Variants in IKBKG observed in about 807,000 individuals in gnomAD.
IKBKG encodes the protein NF-kappa-B essential modulator.
A neutral mutation model predicts 13.7 loss-of-function variants in IKBKG; 2 were observed. That is an observed-to-expected ratio of 0.15 (90% CI 0.06 to 0.46). The LOEUF (loss-of-function observed/expected upper bound fraction) is 0.46, where lower values mean the gene tolerates loss of function less well. Ranked by LOEUF, IKBKG falls within the 20% of genes least tolerant of loss-of-function variation. The pLI is 0.98. For missense variants in IKBKG, 53 were observed against 150.3 expected, an observed-to-expected ratio of 0.35 and a Z score of 3.39; for synonymous variants, 22 against 64.4, an observed-to-expected ratio of 0.34 and a Z score of 3.15.
At position 154,552,099 on chromosome X, in the gene IKBKG, C is replaced by T; in HGVS notation, c.97C>T (p.Leu33=). 6.7e-6 allele frequency: 8 copies of T among 1,196,765 alleles called. No homozygotes were observed. The highest frequency in any genetic ancestry group is 7.9e-6 in the Non-Finnish European group (7 of 884,707). Reference sequence around the variant, plus strand: ...GGACGTACTGGGCGAAGAGTCTCCTCTGGGGAAGCCAGCCATGCTGCACCT... The same window carrying T: ...GGACGTACTGGGCGAAGAGTCTCCTTTGGGGAAGCCAGCCATGCTGCACCT... The part of the protein sequence containing the change: ...DQDVLGEESP[L]GKPAMLHLPS... Residue 33 remains leucine (L), a synonymous_variant, in exon 2 of 10, where the codon CTG becomes TTG. Transcript: ENST00000594239.
At chrX:154,549,010 T>G (rs2070846556) in intron 1 of IKBKG, among the ~76,000 whole-genome samples, 1 of 102,688 alleles carries the variant, frequency 9.7e-6, no homozygotes, top group Non-Finnish European at 2.0e-5. Context: ...TTTTTTTTTT[T>G]GAGACAGAAT....
At chrX:154,542,351 CCT>C (rs2070535269) in exon 2 of IKBKG, 1 of 1,202,860 alleles carries the variant, frequency 8.3e-7, no homozygotes, top group African/African-American at 1.8e-5. Flanking sequence ...CCCCTCACTC[CCT>C]GTGAAGCTCT....
chrX:154,547,660 G>A lies in IKBKG; in HGVS notation c.-101G>A, dbSNP rs1362226339. On this transcript the variant is annotated 5_prime_UTR_variant, in exon 1 of 10. Transcript: ENST00000594239. ...GGTAGGGAAGGGCGACCGCGAAACTGGGACTTTCTCGGAGCGCCGGGGCCC... is the reference window on the plus strand; with the variant it reads ...GGTAGGGAAGGGCGACCGCGAAACTAGGACTTTCTCGGAGCGCCGGGGCCC... 4 of 753,898 alleles carry A rather than the reference G, an allele frequency of 5.3e-6. No individual in the cohort carries two copies. The African/African-American group carries it at 9.2e-5, about 17-fold the overall frequency. 62.1% of individuals were successfully genotyped at this position (753,898 alleles called of 1,213,427 possible). A position where few individuals can be genotyped will look rare whatever the true frequency, so the allele number is the denominator to read the frequency against.
chrX:154,545,824 A>G, upstream of IKBKG: 1 of 417,771 alleles, frequency 2.4e-6, no homozygotes. Context: ...GACCAGAGCA[A>G]AACTCCGTCT....
At chrX:154,549,896 T>C (rs1411825407) in intron 1 of IKBKG, among the ~76,000 whole-genome samples, 2 of 112,445 alleles carry the variant, frequency 1.8e-5, no homozygotes, top group African/African-American at 3.2e-5. Flanking sequence ...GTTCATGTTA[T>C]AGCATGTGGA....
At chrX:154,543,984 C>T (rs2070608312), upstream of IKBKG, among the ~76,000 whole-genome samples, 1 of 109,530 alleles carries the variant, frequency 9.1e-6, no homozygotes, top group African/African-American at 3.3e-5. Context: ...TCTCCTGCCT[C>T]AGCCTCCTGA....
At chrX:154,544,583 C>T (rs2070638164), upstream of IKBKG, among the ~76,000 whole-genome samples, 1 of 112,707 alleles carries the variant, frequency 8.9e-6, no homozygotes, top group South Asian at 3.6e-4. Flanking sequence ...GCGTGAGCCA[C>T]CGTGCCCGGC....
upstream of IKBKG, chrX:154,545,938 A>C: frequency 4.6e-6 from 5 of 1,080,515 alleles, no homozygotes; most frequent in Non-Finnish European, 6.4e-6. Context: ...AGCTCAACTT[A>C]GCAGAGCCTG....
At chrX:154,546,643 A>T, upstream of IKBKG, 1 of 499,510 alleles carries the variant, frequency 2.0e-6, no homozygotes, top group East Asian at 4.1e-5. Flanking sequence ...TCAAGAGAGG[A>T]GGTGCGGGGT....
At chrX:154,546,390 C>CA (rs1409939722), upstream of IKBKG, among the ~76,000 whole-genome samples, 3 of 112,199 alleles carry the variant, frequency 2.7e-5, no homozygotes, top group Non-Finnish European at 5.6e-5. Flanking sequence ...GTGTACATTA[C>CA]AAAATTACTC....
chrX:154,544,987 T>A (rs2070653094), upstream of IKBKG, among the ~76,000 whole-genome samples: 1 of 112,130 alleles, frequency 8.9e-6, no homozygotes, highest in African/African-American at 3.2e-5. Context: ...CATACAGTAA[T>A]GAGCAGAGAG....
At chrX:154,555,581 CT>C (rs1266660319) in intron 2 of IKBKG, among the ~76,000 whole-genome samples, 1 of 111,987 alleles carries the variant, frequency 8.9e-6, no homozygotes, top group African/African-American at 3.2e-5. Context: ...TTAACACATA[CT>C]TTTTTTCTTT....
chrX:154,547,791 C>A, intron 1 of IKBKG, 46 bp downstream of exon 1: 1 of 755,095 alleles, frequency 1.3e-6, no homozygotes, highest in Non-Finnish European at 1.6e-6. Context: ...GTGGGCGTTC[C>A]GCCGCCTCCG....
chrX:154,546,908 C>A (rs1213849710), upstream of IKBKG: 11 of 805,166 alleles, frequency 1.4e-5, no homozygotes, highest in Non-Finnish European at 1.8e-5. Flanking sequence ...CTGGGCTGAG[C>A]GGACCCGCCT....
At chrX:154,555,739 C>T (rs1223345023) in intron 2 of IKBKG, among the ~76,000 whole-genome samples, 2 of 111,037 alleles carry the variant, frequency 1.8e-5, no homozygotes, top group Non-Finnish European at 3.8e-5. Flanking sequence ...GCCACCACAC[C>T]GGGCTAATTT....
intron 1 of IKBKG, among the ~76,000 whole-genome samples, chrX:154,550,403 C>T (rs184987535): frequency 2.1e-5 from 2 of 97,147 alleles, no homozygotes; most frequent in Admixed American, 2.4e-4. Context: ...TAGAGAGGTT[C>T]GTTTTGAGAA....
At chrX:154,553,439 G>A (rs1016164739) in intron 2 of IKBKG, among the ~76,000 whole-genome samples, 1 of 112,804 alleles carries the variant, frequency 8.9e-6, no homozygotes, top group East Asian at 2.8e-4. Context: ...CCATGCCTGC[G>A]ATGTGTCTCC....
chrX:154,549,718 C>G (rs2070874983), intron 1 of IKBKG, among the ~76,000 whole-genome samples: 1 of 111,786 alleles, frequency 8.9e-6, no homozygotes, highest in South Asian at 3.8e-4. Flanking sequence ...ACCCCATACC[C>G]TTTAGCTCAG....
chrX:154,551,975 C>T lies in IKBKG; in HGVS notation c.-15-13C>T, dbSNP rs1184003041. 2.9e-6 allele frequency: 3 copies of T among 1,049,862 alleles called. No individual in the cohort carries two copies. In the African/African-American group the frequency reaches 5.7e-5, roughly 20 times the overall value. The allele number at this position is 1,049,862 out of a possible 1,213,427, so 86.5% of individuals were successfully genotyped here. ...GGGTCTCCTGTGACTCCCCTGCTGCCTTTCTCTTTCAGCCCTTGCCCTGTT... is the reference window on the plus strand; with the variant it reads ...GGGTCTCCTGTGACTCCCCTGCTGCTTTTCTCTTTCAGCCCTTGCCCTGTT... On this transcript the variant is annotated splice_polypyrimidine_tract_variant and intron_variant, in intron 1 of 9. Coordinates refer to ENST00000594239, the MANE Select transcript of IKBKG (RefSeq NM_001099857.5).
Sources: gnomAD v4.1 joint callset for allele counts (sites outside exome capture counted in the v4.1 genomes callset) on GRCh38, gnomAD v4.1.1 for gene constraint, MANE v1.5 for transcripts, NCBI Gene and HGNC (gene_info 2026-07-23, HGNC 2026-07-21) for gene names.